Variants in HIVEP3 observed in about 807,000 individuals in gnomAD.
HIVEP3 encodes transcription factor HIVEP3.
HIVEP3 carries 49 observed loss-of-function variants against 152.8 expected under a neutral mutation model. The ratio of observed to expected loss-of-function variants is 0.32; its 90% CI spans 0.26 to 0.41. HIVEP3 has a LOEUF of 0.41. HIVEP3 is among the 10% of genes least tolerant of loss of function. The probability of loss-of-function intolerance (pLI) is 1.00; values close to 1 mark genes in which losing one functional copy is unlikely to be tolerated. For synonymous variants in HIVEP3, 1,269 were observed against 1,289.0 expected (o/e 0.98, Z 0.33); for missense variants, 2,790 against 3,103.3 (o/e 0.90, Z 2.40).
chr1:41,945,233 G>C (rs751627257), intron 1 of HIVEP3, among the ~76,000 whole-genome samples: 3 of 152,056 alleles, frequency 2.0e-5, no homozygotes, highest in Non-Finnish European at 4.4e-5. Flanking sequence ...CAACCCAAAC[G>C]GTACAAAAGG....
intron 5 of HIVEP3, among the ~76,000 whole-genome samples, chr1:41,569,996 G>A (rs1377610141): frequency 6.6e-6 from 1 of 152,242 alleles, no homozygotes. Flanking sequence ...CAAAGGGTGG[G>A]TTCACTGATG....
rs200651874 is a variant in HIVEP3 at position 41,967,470 on chromosome 1, C to T, written n.120-48946G>A. Reference sequence around the variant, plus strand: ...TGATTCCTGGGTAAATAATGAAAGGCAGAAATCAAGAAGTTCTTTGAAACT... The same window carrying T: ...TGATTCCTGGGTAAATAATGAAAGGTAGAAATCAAGAAGTTCTTTGAAACT... On this transcript the variant is annotated intron_variant and non_coding_transcript_variant, in intron 1 of 3. Coordinates refer to the HIVEP3 transcript ENST00000489103. Among the ~76,000 whole-genome samples, 12 of 152,176 alleles carry T rather than the reference C, an allele frequency of 7.9e-5. No individual in the cohort carries two copies. The East Asian group carries it at 2.3e-3, about 29-fold the overall frequency.
chr1:41,748,561 G>A (rs1344383796), intron 1 of HIVEP3, among the ~76,000 whole-genome samples: 1 of 152,176 alleles, frequency 6.6e-6, no homozygotes, highest in Non-Finnish European at 1.5e-5. Flanking sequence ...CAATAAGGGC[G>A]GTTAACATTT....
At chr1:41,776,879 G>C (rs372381794) in intron 1 of HIVEP3, among the ~76,000 whole-genome samples, 7 of 152,344 alleles carry the variant, frequency 4.6e-5, no homozygotes, top group African/African-American at 1.7e-4. Context: ...TTCACTGTGA[G>C]TGTAGTGGGT....
At chr1:41,626,386 G>C (rs1044286803) in intron 3 of HIVEP3, among the ~76,000 whole-genome samples, 1 of 152,194 alleles carries the variant, frequency 6.6e-6, no homozygotes, top group Non-Finnish European at 1.5e-5. Context: ...CAGGAGCCAG[G>C]TTTCTCGCTG....
intron 1 of HIVEP3, among the ~76,000 whole-genome samples, chr1:41,868,543 AC>A (rs1644023775): frequency 6.6e-6 from 1 of 152,130 alleles, no homozygotes; most frequent in Non-Finnish European, 1.5e-5. Flanking sequence ...TTTATATTCA[AC>A]CCTAAAGCAA....
At chr1:41,772,703 C>T (rs775166421) in intron 1 of HIVEP3, among the ~76,000 whole-genome samples, 8 of 151,968 alleles carry the variant, frequency 5.3e-5, no homozygotes, top group African/African-American at 4.8e-5. Context: ...TGAGGTCAGG[C>T]GTTCAAGACC....
intron 5 of HIVEP3, among the ~76,000 whole-genome samples, chr1:41,555,614 A>T (rs1475924928): frequency 6.6e-6 from 1 of 152,174 alleles, no homozygotes; most frequent in African/African-American, 2.4e-5. Context: ...AGCTGTTCCT[A>T]TTTGGCCATC....
intron 1 of HIVEP3, among the ~76,000 whole-genome samples, chr1:41,769,621 G>T (rs2055955): frequency 6.6e-6 from 1 of 151,854 alleles, no homozygotes; most frequent in African/African-American, 2.4e-5. Context: ...AAGGAACAAA[G>T]GAAGGAAGTA....
rs1644392330 is a variant in HIVEP3 at position 41,580,823 on chromosome 1, G to C, written c.3975C>G (p.Thr1325=). 2.5e-6 allele frequency: 4 copies of C among 1,584,952 alleles called. No individual in the cohort carries two copies. Among genetic ancestry groups the C allele is most frequent in the African/African-American group, 2.7e-5 (2 of 74,486 alleles). The part of the protein sequence containing the change: ...VSLVVPVRVQ[T]NMPSYGSAMY... ...TTGCGCTCCCATAGGACGGCATATTGGTCTGAACACGGACAGGCACAACCA... is the reference window on the plus strand; with the variant it reads ...TTGCGCTCCCATAGGACGGCATATTCGTCTGAACACGGACAGGCACAACCA... Residue 1325 remains threonine (T), a synonymous_variant, in exon 4 of 9, where the codon ACC becomes ACG. Coordinates refer to ENST00000372583, the MANE Select transcript of HIVEP3 (RefSeq NM_024503.5).
intron 2 of HIVEP3, among the ~76,000 whole-genome samples, chr1:41,647,946 C>G (rs1645486123): frequency 6.6e-6 from 1 of 152,250 alleles, no homozygotes; most frequent in Admixed American, 6.5e-5. Flanking sequence ...CTCTCACAAG[C>G]CCTGCCAGCC....
At chr1:42,023,707 C>G (rs1014137829) in intron 1 of HIVEP3, among the ~76,000 whole-genome samples, 1 of 152,126 alleles carries the variant, frequency 6.6e-6, no homozygotes, top group African/African-American at 2.4e-5. Flanking sequence ...CCTCCTTCAC[C>G]TTCCGCCATG....
At chr1:41,639,543 C>T (rs192974945) in intron 2 of HIVEP3, among the ~76,000 whole-genome samples, 4 of 152,298 alleles carry the variant, frequency 2.6e-5, no homozygotes, top group East Asian at 1.9e-4. Context: ...AATGCCTGTG[C>T]CCTTCTTCAG....
At chr1:41,601,509 T>C (rs1644747851) in intron 3 of HIVEP3, among the ~76,000 whole-genome samples, 1 of 152,154 alleles carries the variant, frequency 6.6e-6, no homozygotes, top group South Asian at 2.1e-4. Flanking sequence ...TTAGGTGTTA[T>C]TATAAGTGAC....
At chr1:41,886,696 G>A (rs1644351790) in intron 1 of HIVEP3, among the ~76,000 whole-genome samples, 1 of 115,436 alleles carries the variant, frequency 8.7e-6, no homozygotes, top group Non-Finnish European at 1.7e-5. Context: ...TGGGCAACAA[G>A]AGTGAAACTC....
At chr1:41,986,465 C>T (rs549113318) in intron 1 of HIVEP3, among the ~76,000 whole-genome samples, 166 of 136,418 alleles carry the variant, frequency 1.2e-3, no homozygotes, top group Non-Finnish European at 2.2e-3. Flanking sequence ...TTTTGAGACG[C>T]AGTCTTGCTC....
At chr1:41,572,294 A>G (rs981400165) in intron 5 of HIVEP3, among the ~76,000 whole-genome samples, 1 of 152,232 alleles carries the variant, frequency 6.6e-6, no homozygotes, top group Admixed American at 6.5e-5. Context: ...GATGGGTGAC[A>G]CTACCAAGGG....
chr1:41,828,522 G>A (rs940313649), intron 1 of HIVEP3, among the ~76,000 whole-genome samples: 1 of 152,168 alleles, frequency 6.6e-6, no homozygotes, highest in Non-Finnish European at 1.5e-5. Flanking sequence ...TAGACAAGAG[G>A]TTCTGAAGGC....
intron 1 of HIVEP3, among the ~76,000 whole-genome samples, chr1:42,006,665 A>AATCTGCC (rs1385407032): frequency 6.6e-6 from 1 of 152,054 alleles, no homozygotes; most frequent in Non-Finnish European, 1.5e-5. Flanking sequence ...TGGATCCTAA[A>AATCTGCC]ATCTGCCCCT....
Sources: gnomAD v4.1 joint callset for allele counts (sites outside exome capture counted in the v4.1 genomes callset) on GRCh38, gnomAD v4.1.1 for gene constraint, MANE v1.5 for transcripts, NCBI Gene and HGNC (gene_info 2026-07-23, HGNC 2026-07-21) for gene names.